Variants in FGF13 observed in about 807,000 individuals in gnomAD.
FGF13 encodes the protein fibroblast growth factor 13.
Under a neutral mutation model 19.5 loss-of-function variants are expected in FGF13, and 2 were observed. The observed-to-expected ratio is 0.10, with a 90% CI of 0.04 to 0.32. FGF13 has a LOEUF of 0.32. Among genes scored for constraint, FGF13 ranks in the 10% least tolerant of loss-of-function variants. The pLI is 1.00. For synonymous variants in FGF13, 72 were observed against 76.9 expected (o/e 0.94, Z 0.33); for missense variants, 113 against 192.7 (o/e 0.59, Z 2.45).
chrX:139,030,426 G>T (rs1054966887), intron 1 of FGF13, among the ~76,000 whole-genome samples: 1 of 111,348 alleles, frequency 9.0e-6, no homozygotes, highest in Non-Finnish European at 1.9e-5. Flanking sequence ...GCCTGCAAAC[G>T]ATGTGTAATT....
rs748028773 is a variant in FGF13, at chrX:139,122,501, T to C, written c.-113+80915A>G. On this transcript the variant is annotated intron_variant, in intron 1 of 2. Transcript: ENST00000421460. ...CACATTGCCAAATCCAATAGGCAAT[T>C]CTCACTCATCTTATTCAACCTTTCT... Among the ~76,000 whole-genome samples, 15 of 111,563 alleles carry C rather than the reference T, an allele frequency of 1.3e-4. No individual in the cohort carries two copies. In the South Asian group the frequency reaches 5.7e-3, roughly 43 times the overall value.
In FGF13 at chrX:138,711,316, G is replaced by C. The variant is rs2090044832; in HGVS notation, c.-313C>G. The C allele has an allele frequency of 1.1e-6, 1 of 888,527 alleles. No homozygotes were observed. Among genetic ancestry groups the C allele is most frequent in the East Asian group, 6.0e-5 (1 of 16,691 alleles). The allele number at this position is 888,527 out of a possible 1,213,427, so 73.2% of individuals were successfully genotyped here. On this transcript the variant is annotated 5_prime_UTR_variant, in exon 1 of 5. Coordinates refer to ENST00000315930, the MANE Select transcript of FGF13 (RefSeq NM_004114.5). ...GATGCTGAACTGCGCGACTGCGTGT[G>C]GTCGGCCCCTGCGCCCGGCGGACAC... is the stretch of plus-strand genomic sequence containing the variant.
chrX:139,020,143 AC>A (rs1296999434), intron 1 of FGF13, among the ~76,000 whole-genome samples: 9 of 111,476 alleles, frequency 8.1e-5, no homozygotes, highest in Non-Finnish European at 1.7e-4. Flanking sequence ...TATAAGAAGG[AC>A]AAAAAATGAT....
intron 1 of FGF13, among the ~76,000 whole-genome samples, chrX:138,888,180 C>T (rs748357587): frequency 2.2e-4 from 25 of 112,468 alleles, no homozygotes; most frequent in Middle Eastern, 4.2e-3. Flanking sequence ...TGCTAACCTA[C>T]ATCAATAATA....
At chrX:138,882,564 T>C (rs115472263) in intron 1 of FGF13, among the ~76,000 whole-genome samples, 5 of 111,499 alleles carry the variant, frequency 4.5e-5, no homozygotes, top group Non-Finnish European at 7.5e-5. Context: ...CTCCCCACTA[T>C]GTAAGCTGTT....
chrX:138,954,810 T>A, intron 1 of FGF13, among the ~76,000 whole-genome samples: 1 of 112,090 alleles, frequency 8.9e-6, no homozygotes, highest in Non-Finnish European at 1.9e-5. Context: ...AAAATGAATT[T>A]TCTGTGGGGA....
Position 139,069,346 on chromosome X carries a change from AGTAAACTATC to A in FGF13, c.-113+134060_-113+134069del, listed in dbSNP as rs1346778330. On this transcript the variant is annotated intron_variant, in intron 1 of 2. Transcript: ENST00000421460. The stretch of plus-strand genomic sequence containing the variant: ...GATGAAATTGGAAATCATCATTCTC[AGTAAACTATC>A]GCAAGAACAAAAAACCAAACACCGC... Among the ~76,000 whole-genome samples, 178 of 71,144 alleles carry A rather than the reference AGTAAACTATC, an allele frequency of 2.5e-3. 3 individuals carry two copies. The highest frequency in any genetic ancestry group is 0.024 in the Admixed American group (137 of 5,596). The allele number at this position is 71,144 out of a possible 115,157, so 61.8% of individuals were successfully genotyped here.
At chrX:139,172,201 G>T (rs755536254) in intron 1 of FGF13, among the ~76,000 whole-genome samples, 1 of 111,984 alleles carries the variant, frequency 8.9e-6, no homozygotes, top group Non-Finnish European at 1.9e-5. Flanking sequence ...TTGAAATGAT[G>T]TTAAGATGTT....
intron 3 of FGF13, among the ~76,000 whole-genome samples, chrX:138,675,754 G>A (rs1439717606): frequency 9.0e-6 from 1 of 111,450 alleles, no homozygotes; most frequent in African/African-American, 3.3e-5. Context: ...GTGGAAAATT[G>A]AGATAAGTTA....
In FGF13 at chrX:138,667,021, T is replaced by C. The variant is rs760221282; in HGVS notation, c.403-31366A>G. On this transcript the variant is annotated intron_variant, in intron 3 of 4. Coordinates refer to ENST00000315930, the MANE Select transcript of FGF13 (RefSeq NM_004114.5). ...CAGCAGGTTTGAAACATGGTATGCA[T>C]AGTTATTCCAAATGTACATATATAT... is the stretch of plus-strand genomic sequence containing the variant. 1.1e-4 allele frequency among the ~76,000 whole-genome samples: 12 copies of C among 109,046 alleles called. No homozygotes were observed. In the South Asian group the frequency reaches 3.0e-3, roughly 27 times the overall value. 94.7% of individuals were successfully genotyped at this position (109,046 alleles called of 115,157 possible). A position where few individuals can be genotyped will look rare whatever the true frequency, so the allele number is the denominator to read the frequency against.
intron 1 of FGF13, among the ~76,000 whole-genome samples, chrX:139,064,492 C>T (rs1228879125): frequency 1.9e-5 from 2 of 103,994 alleles, no homozygotes; most frequent in East Asian, 3.0e-4. Context: ...TTAGTAGAGA[C>T]GGGGTTTCAC....
rs2089033986 is a variant in FGF13 at position 138,623,840 on chromosome X, T to G, written c.*9010A>C. ...ATTAGAAAAACAATCCCATTTGCAA[T>G]TGCATCAAAAAGGAAAATGTACTTA... On this transcript the variant is annotated 3_prime_UTR_variant, in exon 5 of 5. Coordinates refer to ENST00000315930, the MANE Select transcript of FGF13 (RefSeq NM_004114.5). 1 of 111,018 alleles carries G rather than the reference T, an allele frequency of 9.0e-6. No individual in the cohort carries two copies. Among genetic ancestry groups the G allele is most frequent in the African/African-American group, 3.3e-5 (1 of 30,565 alleles). 9.1% of individuals were successfully genotyped at this position (111,018 alleles called of 1,213,427 possible). A position where few individuals can be genotyped will look rare whatever the true frequency, so the allele number is the denominator to read the frequency against.
chrX:138,701,806 ACAAG>A (rs1476153808), intron 3 of FGF13, among the ~76,000 whole-genome samples: 1 of 112,158 alleles, frequency 8.9e-6, no homozygotes, highest in Non-Finnish European at 1.9e-5. Context: ...AATTCAGGAA[ACAAG>A]CAAGCAAGAG....
intron 1 of FGF13, among the ~76,000 whole-genome samples, chrX:139,157,974 G>A (rs1012427781): frequency 3.6e-5 from 4 of 112,190 alleles, no homozygotes; most frequent in Non-Finnish European, 7.5e-5. Flanking sequence ...AAGCAGGGTG[G>A]GGCGTTGCCT....
At chrX:138,943,410 A>G (rs2091768034) in intron 1 of FGF13, among the ~76,000 whole-genome samples, 1 of 112,535 alleles carries the variant, frequency 8.9e-6, no homozygotes, top group Non-Finnish European at 1.9e-5. Context: ...CCCATATTTC[A>G]ACATTTCACT....
At chrX:138,840,541 A>C (rs767092575) in intron 3 of FGF13, among the ~76,000 whole-genome samples, 1 of 111,718 alleles carries the variant, frequency 9.0e-6, no homozygotes, top group South Asian at 3.8e-4. Context: ...AAAACAGTGG[A>C]TATCTAAATG....
chrX:139,108,045 T>C (rs895811392), intron 1 of FGF13, among the ~76,000 whole-genome samples: 1 of 111,527 alleles, frequency 9.0e-6, no homozygotes, highest in African/African-American at 3.3e-5. Flanking sequence ...AGAGCCCATG[T>C]AAACTCTAAA....
intron 1 of FGF13, among the ~76,000 whole-genome samples, chrX:139,145,511 G>A (rs1445490129): frequency 1.8e-5 from 2 of 110,315 alleles, no homozygotes; most frequent in African/African-American, 6.6e-5. Context: ...TCATCATGAC[G>A]TCAACCTCCC....
At chrX:138,974,995 G>T (rs191119080) in intron 1 of FGF13, among the ~76,000 whole-genome samples, 21 of 112,640 alleles carry the variant, frequency 1.9e-4, no homozygotes, top group Non-Finnish European at 3.6e-4. Flanking sequence ...AGGCAGTCTG[G>T]AGAGTAAAGT....
Sources: allele counts gnomAD v4.1 joint callset (sites outside exome capture counted in the v4.1 genomes callset), GRCh38; gene constraint gnomAD v4.1.1; transcripts MANE v1.5; gene names NCBI Gene and HGNC (gene_info 2026-07-23, HGNC 2026-07-21).